The following DOCK3 variants were observed in gnomAD, a reference collection of about 807,000 sequenced individuals.
The protein encoded by DOCK3 is dedicator of cytokinesis 3.
Under a neutral mutation model 265.6 loss-of-function variants are expected in DOCK3, and 60 were observed. The observed-to-expected ratio is 0.23, with a 90% CI of 0.18 to 0.28. DOCK3 has a LOEUF of 0.28. DOCK3 is among the 10% of genes least tolerant of loss of function. The probability of loss-of-function intolerance (pLI) is 1.00; values close to 1 mark genes in which losing one functional copy is unlikely to be tolerated. For synonymous variants in DOCK3, 881 were observed against 938.0 expected (o/e 0.94, Z 1.11); for missense variants, 1,981 against 2,594.3 (o/e 0.76, Z 5.14).
At chr3:50,912,652 A>T (rs1482546243) in intron 4 of DOCK3, among the ~76,000 whole-genome samples, 1 of 152,102 alleles carries the variant, frequency 6.6e-6, no homozygotes, top group African/African-American at 2.4e-5. Context: ...TACTGAAACC[A>T]CAAGACAACA....
At chr3:50,736,207 A>G (rs2038597066) in intron 1 of DOCK3, among the ~76,000 whole-genome samples, 1 of 152,064 alleles carries the variant, frequency 6.6e-6, no homozygotes, top group African/African-American at 2.4e-5. Flanking sequence ...AGCTTCATCC[A>G]TGTCCCTGCA....
intron 9 of DOCK3, among the ~76,000 whole-genome samples, chr3:51,124,357 C>T (rs901862417): frequency 1.3e-5 from 2 of 152,176 alleles, no homozygotes; most frequent in Non-Finnish European, 2.9e-5. Context: ...CCACTAGCCA[C>T]ATGTGACTGT....
intron 1 of DOCK3, among the ~76,000 whole-genome samples, chr3:50,682,965 G>A (rs528813540): frequency 8.5e-5 from 13 of 152,362 alleles, no homozygotes; most frequent in Non-Finnish European, 1.6e-4. Flanking sequence ...GATTACAGGC[G>A]TGAGCCACCG....
At chr3:51,380,524 G>A (rs1052303683) in intron 52 of DOCK3, among the ~76,000 whole-genome samples, 13 of 152,204 alleles carry the variant, frequency 8.5e-5, no homozygotes, top group East Asian at 5.8e-4. Context: ...ACTGTAGTTC[G>A]CTAGCTAAAC....
intron 49 of DOCK3, among the ~76,000 whole-genome samples, chr3:51,367,022 G>A (rs1300780410): frequency 6.6e-6 from 1 of 152,202 alleles, no homozygotes; most frequent in Non-Finnish European, 1.5e-5. Context: ...GTGCAGAGCT[G>A]AGTTCAATTC....
At chr3:51,346,939 T>C (rs1244052293) in intron 38 of DOCK3, among the ~76,000 whole-genome samples, 1 of 152,260 alleles carries the variant, frequency 6.6e-6, no homozygotes, top group African/African-American at 2.4e-5. Context: ...AATGTCTTCT[T>C]TTGAGAAGTG....
chr3:51,109,232 TCA>T (rs1210566554), intron 9 of DOCK3, among the ~76,000 whole-genome samples: 2 of 152,114 alleles, frequency 1.3e-5, no homozygotes, highest in Non-Finnish European at 2.9e-5. Context: ...TCTCTCAAAA[TCA>T]CACAATTACA....
intron 5 of DOCK3, among the ~76,000 whole-genome samples, chr3:50,997,403 A>C (rs1461473948): frequency 6.6e-6 from 1 of 152,144 alleles, no homozygotes; most frequent in Non-Finnish European, 1.5e-5. Flanking sequence ...TACAGACAAA[A>C]GCTTGGAAGT....
intron 19 of DOCK3, among the ~76,000 whole-genome samples, chr3:51,235,187 A>C (rs1013835455): frequency 2.6e-5 from 4 of 152,218 alleles, no homozygotes; most frequent in Non-Finnish European, 5.9e-5. Context: ...ATTTTGTTTT[A>C]ATTATGTGAT....
rs761739016 is a variant in DOCK3 at position 51,236,385 on chromosome 3, A to G, written c.1958A>G (p.Asp653Gly). 1.4e-5 allele frequency: 22 copies of G among 1,613,292 alleles called. No homozygotes were observed. The Admixed American group carries it at 1.7e-4, about 12-fold the overall frequency. Residue 653 changes from aspartate (D) to glycine (G), a missense_variant, in exon 20 of 53, where the codon GAT (aspartate) becomes GGT (glycine). Asp to Gly is a moderately conservative substitution (Grantham distance 94, BLOSUM62 -1). Around this residue, in one of 4 missense-constraint regions of DOCK3, gnomAD observed 1,357 missense variants for 1,866.8 expected, o/e 0.73. Transcript: ENST00000266037. ...DILDTLFVIL[D>G]DNTEKYGLLV... Reference sequence around the variant, plus strand: ...TTAGATACACTCTTTGTGATTTTGGATGATAATACAGAGAAGTACGGCCTG... The same window carrying G: ...TTAGATACACTCTTTGTGATTTTGGGTGATAATACAGAGAAGTACGGCCTG...
intron 49 of DOCK3, among the ~76,000 whole-genome samples, chr3:51,371,561 T>C (rs2087680048): frequency 6.6e-6 from 1 of 152,234 alleles, no homozygotes; most frequent in Admixed American, 6.5e-5. Context: ...GATGTTGTAG[T>C]AGATACACTC....
intron 38 of DOCK3, among the ~76,000 whole-genome samples, chr3:51,345,963 G>A (rs1336802046): frequency 6.6e-6 from 1 of 152,102 alleles, no homozygotes; most frequent in African/African-American, 2.4e-5. Flanking sequence ...TACAAGATTG[G>A]CTGTGAGTTG....
At chr3:50,949,651 C>T (rs939019400) in intron 5 of DOCK3, among the ~76,000 whole-genome samples, 13 of 151,954 alleles carry the variant, frequency 8.6e-5, no homozygotes, top group African/African-American at 2.9e-4. Flanking sequence ...ATTATTGATT[C>T]GATTTATCTT....
intron 32 of DOCK3, among the ~76,000 whole-genome samples, chr3:51,316,418 TA>T (rs2083366942): frequency 6.6e-6 from 1 of 152,230 alleles, no homozygotes; most frequent in South Asian, 2.1e-4. Flanking sequence ...ATAAAGCTAC[TA>T]AAAACATTTC....
At chr3:50,812,761 C>T (rs1284422303) in intron 2 of DOCK3, among the ~76,000 whole-genome samples, 1 of 152,164 alleles carries the variant, frequency 6.6e-6, no homozygotes, top group Non-Finnish European at 1.5e-5. Flanking sequence ...CCAGAAACAC[C>T]CTCACAGACA....
intron 32 of DOCK3, among the ~76,000 whole-genome samples, chr3:51,328,437 A>C (rs1384879108): frequency 6.6e-6 from 1 of 152,128 alleles, no homozygotes; most frequent in African/African-American, 2.4e-5. Flanking sequence ...GCTCTACCTG[A>C]CTTGACATAA....
rs1023524255 is a variant in DOCK3 at position 50,878,596 on chromosome 3, C to T, written c.163-11430C>T. On this transcript the variant is annotated intron_variant, in intron 3 of 52. Coordinates refer to ENST00000266037, the MANE Select transcript of DOCK3 (RefSeq NM_004947.5). ...GTTTAGAGAAAAAAGTAAAGAGAAA[C>T]GAACAAAGCCTCCAAGAAATATGGC... Among the ~76,000 whole-genome samples, 9 of 151,800 alleles carry T rather than the reference C, an allele frequency of 5.9e-5. No homozygotes were observed. In the East Asian group the frequency reaches 7.7e-4, roughly 13 times the overall value.
chr3:50,966,151 A>G (rs1310822432), intron 5 of DOCK3, among the ~76,000 whole-genome samples: 1 of 152,102 alleles, frequency 6.6e-6, no homozygotes, highest in African/African-American at 2.4e-5. Context: ...GTAAATGGCT[A>G]GATCTTCTTC....
chr3:50,789,316 T>G (rs1402830354), intron 2 of DOCK3, among the ~76,000 whole-genome samples: 1 of 152,234 alleles, frequency 6.6e-6, no homozygotes, highest in Non-Finnish European at 1.5e-5. Flanking sequence ...ATTTCCAATT[T>G]TATTCCACTG....
Sources: allele counts gnomAD v4.1 joint callset (sites outside exome capture counted in the v4.1 genomes callset), GRCh38; gene constraint gnomAD v4.1.1; regional missense constraint gnomAD v4.1.1; transcripts MANE v1.5; gene names NCBI Gene and HGNC (gene_info 2026-07-23, HGNC 2026-07-21).